EFEMP1: variants seen among roughly 807,000 people sequenced by gnomAD.
The protein encoded by EFEMP1 is EGF-containing fibulin-like extracellular matrix protein 1.
Under a neutral mutation model 65.7 loss-of-function variants are expected in EFEMP1, and 18 were observed. The ratio of observed to expected loss-of-function variants is 0.27; its 90% CI spans 0.19 to 0.41. The LOEUF (loss-of-function observed/expected upper bound fraction) is 0.41, where lower values mean the gene tolerates loss of function less well. Ranked by LOEUF, EFEMP1 falls within the 10% of genes least tolerant of loss-of-function variation. The probability of loss-of-function intolerance (pLI) is 1.00; values close to 1 mark genes in which losing one functional copy is unlikely to be tolerated. For missense variants in EFEMP1, 469 were observed against 624.8 expected (o/e 0.75, Z 2.66); for synonymous variants, 237 against 219.7 (o/e 1.08, Z -0.70).
At chr2:55,889,779 G>C (rs1286428082) in intron 5 of EFEMP1, among the ~76,000 whole-genome samples, 1 of 150,940 alleles carries the variant, frequency 6.6e-6, no homozygotes, top group Non-Finnish European at 1.5e-5. Flanking sequence ...GATAAGTCAT[G>C]GATGCATGTT....
chr2:55,876,395 A>G (rs1669036268), intron 8 of EFEMP1, among the ~76,000 whole-genome samples: 1 of 152,122 alleles, frequency 6.6e-6, no homozygotes, highest in Admixed American at 6.6e-5. Flanking sequence ...CACCCTTTCT[A>G]ATTATTAGAG....
At chr2:55,905,492 G>C (rs907543454) in intron 5 of EFEMP1, among the ~76,000 whole-genome samples, 2 of 152,108 alleles carry the variant, frequency 1.3e-5, no homozygotes, top group Admixed American at 1.3e-4. Context: ...TTGTTGCCCA[G>C]GCTGGAGTAC....
At chr2:55,918,761 C>T (rs994779445) in intron 3 of EFEMP1, among the ~76,000 whole-genome samples, 1 of 149,734 alleles carries the variant, frequency 6.7e-6, no homozygotes, top group African/African-American at 2.4e-5. Flanking sequence ...TCCCTAGCTT[C>T]AGCTCCTAAG....
chr2:55,923,775 G>A lies in EFEMP1; in HGVS notation c.-113C>T, dbSNP rs1319680817. 3.5e-5 allele frequency: 35 copies of A among 986,184 alleles called. No homozygotes were observed. Among genetic ancestry groups the A allele is most frequent in the East Asian group, 1.1e-4 (1 of 8,822 alleles). 61.1% of individuals were successfully genotyped at this position (986,184 alleles called of 1,614,324 possible). ...GGAGTGCGCAGGGGAGGGCAGCCCC[G>A]TGGGTCTGATCTGGCGAAGTCCGGC... On this transcript the variant is annotated 5_prime_UTR_variant, in exon 1 of 12. The change creates a new upstream start codon in the 5' untranslated region. Transcript: ENST00000355426. This position sits in a 1 kb window ranked among gnomAD's most constrained non-coding sequence, Gnocchi z 5.3.
rs779357290 is a variant in EFEMP1, at chr2:55,873,721, A to G, written c.1000+1225T>C. 3.9e-5 allele frequency among the ~76,000 whole-genome samples: 6 copies of G among 152,042 alleles called. No individual in the cohort carries two copies. The highest frequency in any genetic ancestry group is 7.4e-5 in the Non-Finnish European group (5 of 67,936). ...TCATTGTGCAATGAACTACATTCTG[A>G]TTATGCTCATACTCAGTGGTTGGAG... On this transcript the variant is annotated intron_variant, in intron 9 of 11. Coordinates refer to ENST00000355426, the MANE Select transcript of EFEMP1 (RefSeq NM_001039348.3). This position sits in a 1 kb window ranked among gnomAD's most constrained non-coding sequence, Gnocchi z 4.6.
chr2:55,923,720 C>G lies in EFEMP1; in HGVS notation c.-58G>C. On this transcript the variant is annotated 5_prime_UTR_variant, in exon 1 of 12. Transcript: ENST00000355426. This position sits in a 1 kb window ranked among gnomAD's most constrained non-coding sequence, Gnocchi z 5.3. Reference sequence around the variant, plus strand: ...CGTTGGGGGCTCCTACCTGTGCGGCCGCGCTGCGCTCCGGGCCCGGGCAGC... The same window carrying G: ...CGTTGGGGGCTCCTACCTGTGCGGCGGCGCTGCGCTCCGGGCCCGGGCAGC... The G allele has an allele frequency of 1.0e-6, 1 of 985,748 alleles. No individual in the cohort carries two copies. The highest frequency in any genetic ancestry group is 4.7e-5 in the South Asian group (1 of 21,300). The allele number at this position is 985,748 out of a possible 1,614,324, so 61.1% of individuals were successfully genotyped here.
At chr2:55,897,456 A>G (rs1247003001) in intron 5 of EFEMP1, among the ~76,000 whole-genome samples, 1 of 152,248 alleles carries the variant, frequency 6.6e-6, no homozygotes, top group East Asian at 1.9e-4. Flanking sequence ...TTGAGAAGGA[A>G]AAGTACAGGT....
At chr2:55,912,349 C>A (rs1670508256) in intron 5 of EFEMP1, among the ~76,000 whole-genome samples, 1 of 152,140 alleles carries the variant, frequency 6.6e-6, no homozygotes, top group South Asian at 2.1e-4. Context: ...TGTTTGAAAG[C>A]TGTTTGGTAA....
chr2:55,872,940 T>C (rs1252417681), intron 9 of EFEMP1, among the ~76,000 whole-genome samples: 1 of 152,054 alleles, frequency 6.6e-6, no homozygotes, highest in Non-Finnish European at 1.5e-5. Flanking sequence ...CTTCCATTAA[T>C]GTAGAGCCTA....
chr2:55,907,792 G>A (rs1055568851), intron 5 of EFEMP1, among the ~76,000 whole-genome samples: 2 of 152,198 alleles, frequency 1.3e-5, no homozygotes, highest in African/African-American at 2.4e-5. Flanking sequence ...AAGGGAGTAG[G>A]ATTGGATTCC....
At chr2:55,887,947 C>T (rs79809575) in intron 5 of EFEMP1, among the ~76,000 whole-genome samples, 2,999 of 152,258 alleles carry the variant, frequency 0.02, 43 homozygotes, top group Middle Eastern at 0.058. Flanking sequence ...ATTTGCATTG[C>T]AAATGGACCC....
chr2:55,916,349 A>G (rs1670686233), intron 5 of EFEMP1, among the ~76,000 whole-genome samples: 1 of 152,124 alleles, frequency 6.6e-6, no homozygotes, highest in South Asian at 2.1e-4. Context: ...ACCTCAGGTG[A>G]TCCACCCGCC....
chr2:55,919,906 C>T lies in EFEMP1; in HGVS notation c.82-1639G>A, dbSNP rs375412224. ...CTGCTGACTTTGTGTCCATTTCTACCATGTCTACTAAGAAAGGCTTTTGCT... is the reference window on the plus strand; with the variant it reads ...CTGCTGACTTTGTGTCCATTTCTACTATGTCTACTAAGAAAGGCTTTTGCT... On this transcript the variant is annotated intron_variant, in intron 3 of 11. Coordinates refer to ENST00000355426, the MANE Select transcript of EFEMP1 (RefSeq NM_001039348.3). The surrounding 1 kb of genome is among the most constrained non-coding windows in gnomAD (Gnocchi z 4.5). Among the ~76,000 whole-genome samples, 1 of 152,172 alleles carries T rather than the reference C, an allele frequency of 6.6e-6. No individual in the cohort carries two copies. The highest frequency in any genetic ancestry group is 2.4e-5 in the African/African-American group (1 of 41,440).
chr2:55,869,006 T>C (rs1299229477), intron 11 of EFEMP1, among the ~76,000 whole-genome samples: 1 of 152,168 alleles, frequency 6.6e-6, no homozygotes, highest in East Asian at 1.9e-4. Flanking sequence ...TAAATAATTT[T>C]CTTTCAAATA....
rs373737354 is a variant in EFEMP1 at position 55,866,824 on chromosome 2, A to G, written c.*249T>C. ...GAATCCAAGTTTCACCAGATAGTGT[A>G]TACTTAGCTCTCTTGAAGAAGACCA... On this transcript the variant is annotated 3_prime_UTR_variant, in exon 12 of 12. Coordinates refer to ENST00000355426, the MANE Select transcript of EFEMP1 (RefSeq NM_001039348.3). 110 of 460,666 alleles carry G rather than the reference A, an allele frequency of 2.4e-4. 1 individual carries two copies. The highest frequency in any genetic ancestry group is 1.4e-3 in the African/African-American group (72 of 50,738). The allele number at this position is 460,666 out of a possible 1,614,324, so 28.5% of individuals were successfully genotyped here.
At position 55,917,875 on chromosome 2, in the gene EFEMP1, C is replaced by G; in HGVS notation, c.307G>C (p.Ala103Pro). 6.2e-7 allele frequency: 1 copy of G among 1,614,248 alleles called. No homozygotes were observed. Among genetic ancestry groups the G allele is most frequent in the Non-Finnish European group, 8.5e-7 (1 of 1,180,050 alleles). Residue 103 changes from alanine to proline, a missense_variant, in exon 5 of 12, where the codon GCT (alanine) becomes CCT (proline). Ala to Pro is a conservative substitution (Grantham distance 27). Transcript: ENST00000355426. The surrounding 1 kb of genome is among the most constrained non-coding windows in gnomAD (Gnocchi z 6.3). ...GTSGATTGVVAASSMATSGVL... is the reference protein window; with the variant it reads ...GTSGATTGVVPASSMATSGVL... ...CCACTGGTTGCCATGCTGCTGGCAG[C>G]TACAACCCCGGTGGTTGCCCCTGAG...
At position 55,866,081 on chromosome 2, in the gene EFEMP1, A is replaced by C. The variant is rs1477039941; in HGVS notation, c.*992T>G. 6.6e-6 allele frequency: 1 copy of C among 152,160 alleles called. No individual in the cohort carries two copies. Among genetic ancestry groups the C allele is most frequent in the East Asian group, 1.9e-4 (1 of 5,194 alleles). The allele number at this position is 152,160 out of a possible 1,614,324, so 9.4% of individuals were successfully genotyped here. On this transcript the variant is annotated 3_prime_UTR_variant, in exon 12 of 12. Transcript: ENST00000355426. ...ATTCCATAGAATTGGGTAGGAGGGT[A>C]ATTTGCTTAAGTTCACTGTCACTCT...
At chr2:55,899,818 A>C (rs1669964740) in intron 5 of EFEMP1, among the ~76,000 whole-genome samples, 1 of 152,196 alleles carries the variant, frequency 6.6e-6, no homozygotes, top group African/African-American at 2.4e-5. Context: ...CACCTCTCTG[A>C]AGGATTAAAT....
At chr2:55,904,414 A>C (rs1670164432) in intron 5 of EFEMP1, among the ~76,000 whole-genome samples, 1 of 152,214 alleles carries the variant, frequency 6.6e-6, no homozygotes, top group African/African-American at 2.4e-5. Context: ...GACTGGGCTA[A>C]GGGATGCCTA....
Sources: allele counts gnomAD v4.1 joint callset (sites outside exome capture counted in the v4.1 genomes callset), GRCh38; gene constraint gnomAD v4.1.1; non-coding constraint Gnocchi (gnomAD v3.1); transcripts MANE v1.5; gene names NCBI Gene and HGNC (gene_info 2026-07-23, HGNC 2026-07-21).